The following CCAR1 variants were observed in gnomAD, a reference collection of about 807,000 sequenced individuals.
The protein encoded by CCAR1 is cell division cycle and apoptosis regulator protein 1.
In CCAR1, 78 loss-of-function variants were observed where a neutral mutation model predicts 163.8. The observed-to-expected ratio is 0.48, with a 90% confidence interval of 0.40 to 0.57. The LOEUF (loss-of-function observed/expected upper bound fraction) is 0.57, where lower values mean the gene tolerates loss of function less well. Among genes scored for constraint, CCAR1 ranks in the 20% least tolerant of loss-of-function variants. The probability of loss-of-function intolerance (pLI) is 0.00; values close to 1 mark genes in which losing one functional copy is unlikely to be tolerated. For missense variants in CCAR1, 1,019 were observed against 1,365.2 expected (o/e 0.75, Z 4.00); for synonymous variants, 443 against 460.7 (o/e 0.96, Z 0.49).
At chr10:68,730,605 G>A (rs2056023903) in intron 2 of CCAR1, among the ~76,000 whole-genome samples, 1 of 152,114 alleles carries the variant, frequency 6.6e-6, no homozygotes, top group African/African-American at 2.4e-5. Flanking sequence ...CAAAGTGCTG[G>A]GATTACAGGC....
At chr10:68,752,116 C>T (rs981513418) in intron 10 of CCAR1, among the ~76,000 whole-genome samples, 23 of 151,400 alleles carry the variant, frequency 1.5e-4, no homozygotes, top group African/African-American at 4.6e-4. Flanking sequence ...GACAGGGTTT[C>T]GCCGTGTTAG....
intron 15 of CCAR1, among the ~76,000 whole-genome samples, chr10:68,759,738 G>T (rs2056445092): frequency 6.6e-6 from 1 of 150,822 alleles, no homozygotes; most frequent in Non-Finnish European, 1.5e-5. Context: ...GCAAGACCCT[G>T]CCTCAAAAAA....
chr10:68,723,887 G>A (rs1213762151), intron 2 of CCAR1, among the ~76,000 whole-genome samples: 1 of 151,842 alleles, frequency 6.6e-6, no homozygotes, highest in Non-Finnish European at 1.5e-5. Context: ...GGCTGGGCGC[G>A]GTGGCTTGTG....
At chr10:68,738,592 T>A (rs2056143189) in intron 4 of CCAR1, among the ~76,000 whole-genome samples, 2 of 151,578 alleles carry the variant, frequency 1.3e-5, no homozygotes, top group Non-Finnish European at 2.9e-5. Flanking sequence ...GGCTTTCAGC[T>A]TTTATTTTTT....
At position 68,768,428 on chromosome 10, in the gene CCAR1, C is replaced by T. The variant is rs531960254; in HGVS notation, c.2298+2349C>T. Among the ~76,000 whole-genome samples, 50 of 150,950 alleles carry T rather than the reference C, an allele frequency of 3.3e-4. No homozygotes were observed. In the East Asian group the frequency reaches 6.5e-3, roughly 20 times the overall value. On this transcript the variant is annotated intron_variant, in intron 17 of 24. Coordinates refer to ENST00000265872, the MANE Select transcript of CCAR1 (RefSeq NM_018237.4). ...AGTTTGAGACCAGCCTGGCCAACAT[C>T]GTGAAACCCCATCTCTACTAAAAAT... is the stretch of plus-strand genomic sequence containing the variant.
chr10:68,745,054 A>AG (rs1159475132), intron 6 of CCAR1, among the ~76,000 whole-genome samples: 1 of 151,974 alleles, frequency 6.6e-6, no homozygotes, highest in African/African-American at 2.4e-5. Context: ...TGCCCAGGCA[A>AG]GAGTGCAGTG....
chr10:68,728,736 C>G (rs1253068873), intron 2 of CCAR1, among the ~76,000 whole-genome samples: 3 of 152,126 alleles, frequency 2.0e-5, no homozygotes, highest in Non-Finnish European at 4.4e-5. Flanking sequence ...AGGTGGATCA[C>G]CTGAGGTCAG....
intron 7 of CCAR1, 33 bp from the exon 8 acceptor site, chr10:68,747,341 T>A: frequency 1.2e-6 from 2 of 1,601,628 alleles, no homozygotes; most frequent in South Asian, 2.2e-5. Context: ...TCACAAAGAT[T>A]TTTTTTCTTA....
At chr10:68,739,475 G>C (rs757066363) in intron 4 of CCAR1, among the ~76,000 whole-genome samples, 2 of 152,038 alleles carry the variant, frequency 1.3e-5, no homozygotes, top group Non-Finnish European at 2.9e-5. Context: ...GGCTGCAGAG[G>C]CTTCTCAATT....
At position 68,747,369 on chromosome 10, in the gene CCAR1, T is replaced by C. The variant is rs1396239212; in HGVS notation, c.634-5T>C. 6.2e-7 allele frequency: 1 copy of C among 1,603,794 alleles called. No individual in the cohort carries two copies. The highest frequency in any genetic ancestry group is 1.3e-5 in the African/African-American group (1 of 74,394). Reference sequence around the variant, plus strand: ...TTTTCTTATTCTTTCATTTTTTAATTGAAGAATCAGTCGCAAACCCAGCCA... The same window carrying C: ...TTTTCTTATTCTTTCATTTTTTAATCGAAGAATCAGTCGCAAACCCAGCCA... On this transcript the variant is annotated splice_region_variant and splice_polypyrimidine_tract_variant and intron_variant, in intron 7 of 24. Transcript: ENST00000265872.
At chr10:68,777,256 G>T (rs1007403294) in intron 19 of CCAR1, among the ~76,000 whole-genome samples, 1 of 152,116 alleles carries the variant, frequency 6.6e-6, no homozygotes, top group Non-Finnish European at 1.5e-5. Flanking sequence ...ACCTGTTTAC[G>T]TGTTTCCTCC....
Position 68,756,219 on chromosome 10 carries a change from CT to C in CCAR1, c.1626-51del. 6.9e-7 allele frequency: 1 copy of C among 1,447,182 alleles called. No homozygotes were observed. Among genetic ancestry groups the C allele is most frequent in the Non-Finnish European group, 9.6e-7 (1 of 1,037,426 alleles). The allele number at this position is 1,447,182 out of a possible 1,614,324, so 89.6% of individuals were successfully genotyped here. On this transcript the variant is annotated intron_variant, in intron 13 of 24. Coordinates refer to ENST00000265872, the MANE Select transcript of CCAR1 (RefSeq NM_018237.4). The surrounding 1 kb of genome is among the most constrained non-coding windows in gnomAD (Gnocchi z 5.1). ...TGATGTGCTACAAGTGAACTAGGGT[CT>C]TTAAAATGTATTTTAGAATTTTTTT...
intron 17 of CCAR1, among the ~76,000 whole-genome samples, chr10:68,767,952 T>C (rs892559217): frequency 7.9e-5 from 12 of 152,236 alleles, no homozygotes; most frequent in Non-Finnish European, 1.3e-4. Context: ...TTCCAACATA[T>C]TAATTTTGTA....
intron 15 of CCAR1, among the ~76,000 whole-genome samples, chr10:68,758,379 T>C (rs1430231799): frequency 6.6e-6 from 1 of 151,808 alleles, no homozygotes; most frequent in Non-Finnish European, 1.5e-5. Flanking sequence ...AATTAAAACA[T>C]AGATTGATAC....
chr10:68,763,513 T>G (rs1245631704), intron 16 of CCAR1, among the ~76,000 whole-genome samples: 5 of 152,146 alleles, frequency 3.3e-5, no homozygotes, highest in Non-Finnish European at 7.3e-5. Context: ...AGTGGCACGA[T>G]CTCGGCTCAG....
Position 68,761,120 on chromosome 10 carries a change from A to G in CCAR1, c.2034A>G (p.Glu678=). Residue 678 remains glutamate (E), a synonymous_variant, in exon 16 of 25, where the codon GAA becomes GAG. Coordinates refer to ENST00000265872, the MANE Select transcript of CCAR1 (RefSeq NM_018237.4). Reference sequence around the variant, plus strand: ...TTAAAGTAGAGGAACAAAAAGAAGAACAGAAGGAGTTAGAGAAATCTGAAA... The same window carrying G: ...TTAAAGTAGAGGAACAAAAAGAAGAGCAGAAGGAGTTAGAGAAATCTGAAA... ...KQLKVEEQKE[E]QKELEKSEKE... is the part of the protein sequence containing the mutation. 6.2e-7 allele frequency: 1 copy of G among 1,612,046 alleles called. No homozygotes were observed. Among genetic ancestry groups the G allele is most frequent in the Non-Finnish European group, 8.5e-7 (1 of 1,179,086 alleles).
chr10:68,736,785 G>C (rs879141526), intron 2 of CCAR1, 91 bp from the exon 3 acceptor site: 1 of 1,054,242 alleles, frequency 9.5e-7, no homozygotes, highest in Admixed American at 2.3e-5. Context: ...TGAACATGGG[G>C]GTGCGGGTAT....
In CCAR1 at chr10:68,786,757, T is replaced by C. The variant is rs368352226; in HGVS notation, c.2880+65T>C. 1.3e-5 allele frequency: 18 copies of C among 1,376,274 alleles called. No homozygotes were observed. The East Asian group carries it at 1.7e-4, about 13-fold the overall frequency. The allele number at this position is 1,376,274 out of a possible 1,614,324, so 85.3% of individuals were successfully genotyped here. ...TAAAAGTTACCTTTCCAGTGAAAAG[T>C]TAATAGAACCTCTGTTGACTTTTTG... On this transcript the variant is annotated intron_variant, in intron 21 of 24. Coordinates refer to ENST00000265872, the MANE Select transcript of CCAR1 (RefSeq NM_018237.4).
chr10:68,733,614 G>A (rs1204383104), intron 2 of CCAR1, among the ~76,000 whole-genome samples: 3 of 151,920 alleles, frequency 2.0e-5, no homozygotes, highest in Non-Finnish European at 2.9e-5. Context: ...GACCAGCCTG[G>A]GCAATATAGC....
Sources: gnomAD v4.1 joint callset for allele counts (sites outside exome capture counted in the v4.1 genomes callset) on GRCh38, gnomAD v4.1.1 for gene constraint, Gnocchi (gnomAD v3.1) non-coding constraint, MANE v1.5 for transcripts, NCBI Gene and HGNC (gene_info 2026-07-23, HGNC 2026-07-21) for gene names.